Variants in TMEM108 observed in about 807,000 individuals in gnomAD.
TMEM108 encodes cancer/testis antigen 124.
A neutral mutation model predicts 35.1 loss-of-function variants in TMEM108; 12 were observed. The ratio of observed to expected loss-of-function variants is 0.34; its 90% CI spans 0.22 to 0.55. The LOEUF (loss-of-function observed/expected upper bound fraction) is 0.55, where lower values mean the gene tolerates loss of function less well. Ranked by LOEUF, TMEM108 falls within the 20% of genes least tolerant of loss-of-function variation. The pLI, the probability that TMEM108 is intolerant of heterozygous loss-of-function variation, is 0.89. For missense variants in TMEM108, 680 were observed against 753.3 expected (o/e 0.90, Z 1.14); for synonymous variants, 287 against 308.6 (o/e 0.93, Z 0.73).
chr3:133,383,141 A>G (rs2073056660), intron 4 of TMEM108, among the ~76,000 whole-genome samples: 2 of 152,246 alleles, frequency 1.3e-5, no homozygotes, highest in South Asian at 2.1e-4. Flanking sequence ...AGAAGTAACT[A>G]CAGTAGAGAC....
intron 3 of TMEM108, among the ~76,000 whole-genome samples, chr3:133,286,704 C>T (rs1354140441): frequency 2.6e-5 from 4 of 152,154 alleles, no homozygotes; most frequent in Non-Finnish European, 5.9e-5. Flanking sequence ...CTCTATGAAC[C>T]TTGGGCTACA....
At chr3:133,242,544 G>A (rs1464403407) in intron 3 of TMEM108, among the ~76,000 whole-genome samples, 2 of 152,218 alleles carry the variant, frequency 1.3e-5, no homozygotes, top group Non-Finnish European at 2.9e-5. Flanking sequence ...TGTGGGGACT[G>A]AGTGCTATAG....
chr3:133,335,040 G>A (rs1489760920), intron 3 of TMEM108, among the ~76,000 whole-genome samples: 2 of 152,160 alleles, frequency 1.3e-5, no homozygotes, highest in African/African-American at 4.8e-5. Context: ...TTAGAGAAAT[G>A]TAATTATGGT....
chr3:133,304,801 G>A (rs570781866), intron 3 of TMEM108, among the ~76,000 whole-genome samples: 1 of 152,224 alleles, frequency 6.6e-6, no homozygotes, highest in South Asian at 2.1e-4. Context: ...ATAATGTTAG[G>A]CCTGGTGCAG....
chr3:133,381,210 G>T, intron 4 of TMEM108, 49 bp downstream of exon 4: 3 of 1,517,192 alleles, frequency 2.0e-6, no homozygotes, highest in Non-Finnish European at 2.7e-6. Flanking sequence ...CACATCACTG[G>T]CTCAACCCCA....
chr3:133,262,197 G>A (rs1041163637), intron 3 of TMEM108, among the ~76,000 whole-genome samples: 1 of 152,148 alleles, frequency 6.6e-6, no homozygotes, highest in African/African-American at 2.4e-5. Flanking sequence ...TTATCTGCCT[G>A]TGGACTAAAT....
intron 2 of TMEM108, among the ~76,000 whole-genome samples, chr3:133,223,807 A>T (rs1447321993): frequency 6.6e-6 from 1 of 152,224 alleles, no homozygotes; most frequent in African/African-American, 2.4e-5. Context: ...AATAAATATA[A>T]AATGTCTAAA....
chr3:133,284,534 A>C (rs1373106213), intron 3 of TMEM108, among the ~76,000 whole-genome samples: 1 of 152,120 alleles, frequency 6.6e-6, no homozygotes, highest in Non-Finnish European at 1.5e-5. Flanking sequence ...TGACATTCCT[A>C]CCTTGTCCTC....
intron 2 of TMEM108, among the ~76,000 whole-genome samples, chr3:133,059,129 C>T (rs1474935608): frequency 2.0e-5 from 3 of 152,118 alleles, no homozygotes; most frequent in Non-Finnish European, 2.9e-5. Flanking sequence ...ATTACAAGGG[C>T]GTTAATCCCA....
At chr3:133,351,439 T>C (rs993710119) in intron 3 of TMEM108, among the ~76,000 whole-genome samples, 2 of 152,012 alleles carry the variant, frequency 1.3e-5, no homozygotes, top group East Asian at 3.9e-4. Context: ...TGTTTGCCGG[T>C]TTTAAAAAGT....
At chr3:133,338,377 TAC>T (rs1253467130) in intron 3 of TMEM108, among the ~76,000 whole-genome samples, 3 of 152,106 alleles carry the variant, frequency 2.0e-5, no homozygotes, top group Admixed American at 2.0e-4. Context: ...GTGGAAACCT[TAC>T]AGGCCAAGAG....
chr3:133,085,767 T>TA (rs1309730337), intron 2 of TMEM108, among the ~76,000 whole-genome samples: 1 of 151,998 alleles, frequency 6.6e-6, no homozygotes, highest in African/African-American at 2.4e-5. Flanking sequence ...TACTTTTATT[T>TA]TTTTTTCTTT....
intron 3 of TMEM108, among the ~76,000 whole-genome samples, chr3:133,293,238 C>T (rs562847925): frequency 6.6e-6 from 1 of 152,096 alleles, no homozygotes; most frequent in East Asian, 1.9e-4. Flanking sequence ...ACTGAGTCCA[C>T]AGATGAATCA....
chr3:133,379,362 G>A (rs1232349797), intron 3 of TMEM108, among the ~76,000 whole-genome samples: 2 of 152,198 alleles, frequency 1.3e-5, no homozygotes, highest in Admixed American at 6.5e-5. Flanking sequence ...AGCTGTCCTT[G>A]ACCACTCCTG....
intron 2 of TMEM108, among the ~76,000 whole-genome samples, chr3:133,163,122 C>T (rs1944984778): frequency 6.6e-6 from 1 of 152,130 alleles, no homozygotes; most frequent in Admixed American, 6.5e-5. Flanking sequence ...GCTGCCATCT[C>T]CCAGAGAGTG....
chr3:133,201,646 C>T (rs1945667473), intron 2 of TMEM108, among the ~76,000 whole-genome samples: 1 of 152,148 alleles, frequency 6.6e-6, no homozygotes. Context: ...TTTTTTATGC[C>T]TGTGTAGTAT....
At chr3:133,052,836 A>G (rs1263007447) in intron 2 of TMEM108, among the ~76,000 whole-genome samples, 1 of 152,160 alleles carries the variant, frequency 6.6e-6, no homozygotes, top group East Asian at 1.9e-4. Flanking sequence ...CAAAATGCCC[A>G]TATTATTCTA....
intron 3 of TMEM108, among the ~76,000 whole-genome samples, chr3:133,241,328 A>G (rs1282346146): frequency 1.3e-5 from 2 of 152,174 alleles, no homozygotes; most frequent in East Asian, 3.8e-4. Context: ...TCTCCTGTTC[A>G]TCCATTTCCG....
chr3:133,045,994 G>A lies in TMEM108; in HGVS notation c.-73G>A, dbSNP rs1034139921. 2 of 152,630 alleles carry A rather than the reference G, an allele frequency of 1.3e-5. No individual in the cohort carries two copies. The highest frequency in any genetic ancestry group is 2.9e-5 in the Non-Finnish European group (2 of 68,048). 9.5% of individuals were successfully genotyped at this position (152,630 alleles called of 1,614,324 possible). Reference sequence around the variant, plus strand: ...GGGTCATGAGGATGTAAGTGCGTTTGAAGGCTTCCACACCCTCTACTCCAG... The same window carrying A: ...GGGTCATGAGGATGTAAGTGCGTTTAAAGGCTTCCACACCCTCTACTCCAG... On this transcript the variant is annotated 5_prime_UTR_variant, in exon 2 of 6. Coordinates refer to ENST00000321871, the MANE Select transcript of TMEM108 (RefSeq NM_023943.4).
Sources: gnomAD v4.1 joint callset for allele counts (sites outside exome capture counted in the v4.1 genomes callset) on GRCh38, gnomAD v4.1.1 for gene constraint, MANE v1.5 for transcripts, NCBI Gene and HGNC (gene_info 2026-07-23, HGNC 2026-07-21) for gene names.